The following GRIP2 variants were observed in gnomAD, a reference collection of about 807,000 sequenced individuals.
The protein encoded by GRIP2 is glutamate receptor-interacting protein 2.
In GRIP2, 58 loss-of-function variants were observed where a neutral mutation model predicts 108.3. The observed-to-expected ratio is 0.54, with a 90% CI of 0.43 to 0.67. The LOEUF is 0.67. Among genes scored for constraint, GRIP2 ranks in the 30% least tolerant of loss-of-function variants. The probability of loss-of-function intolerance (pLI) is 0.00; values close to 1 mark genes in which losing one functional copy is unlikely to be tolerated. For synonymous variants in GRIP2, 586 were observed against 598.2 expected (o/e 0.98, Z 0.30); for missense variants, 1,278 against 1,430.6 (o/e 0.89, Z 1.72).
At chr3:14,539,951 G>C (rs1268049487) in intron 1 of GRIP2, among the ~76,000 whole-genome samples, 1 of 152,278 alleles carries the variant, frequency 6.6e-6, no homozygotes, top group East Asian at 1.9e-4. Context: ...TTGGGCAAAA[G>C]GCTTCGCTCA....
chr3:14,540,199 TG>T lies in GRIP2; in HGVS notation c.40+69del. ...TCTCAGCCATCCAGTCCCCTCTCTC[TG>T]GGCAGCAGCTCCAGAGGGATCTATG... On this transcript the variant is annotated intron_variant, in intron 1 of 23. Coordinates refer to ENST00000621039, the MANE Select transcript of GRIP2 (RefSeq NM_001080423.4). This position sits in a 1 kb window ranked among gnomAD's most constrained non-coding sequence, Gnocchi z 4.1. 6.4e-7 allele frequency: 1 copy of T among 1,558,690 alleles called. No individual in the cohort carries two copies. Among genetic ancestry groups the T allele is most frequent in the Non-Finnish European group, 8.7e-7 (1 of 1,143,010 alleles).
chr3:14,566,648 T>A, the GRIP2 span, among the ~76,000 whole-genome samples: 1 of 152,180 alleles, frequency 6.6e-6, no homozygotes, highest in Non-Finnish European at 1.5e-5. Context: ...GTGTAAGCCA[T>A]CCGTGTTGCT....
chr3:14,568,401 G>T, the GRIP2 span, among the ~76,000 whole-genome samples: 2 of 152,184 alleles, frequency 1.3e-5, no homozygotes, highest in African/African-American at 4.8e-5. Context: ...GCCCTGTGAG[G>T]CCAGGAGAAG....
rs1002350757 is a variant in GRIP2, at chr3:14,521,585, TC to T, written c.712+56del. 5 of 1,517,450 alleles carry T rather than the reference TC, an allele frequency of 3.3e-6. No homozygotes were observed. Among genetic ancestry groups the T allele is most frequent in the South Asian group, 2.6e-5 (2 of 76,986 alleles). The allele number at this position is 1,517,450 out of a possible 1,614,324, so 94.0% of individuals were successfully genotyped here. ...GTAAAGATCCATGGCCACTGCCACC[TC>T]CCCCCATCCCAGGCCTCCTCCTGCC... On this transcript the variant is annotated intron_variant, in intron 7 of 23. Transcript: ENST00000621039. The surrounding 1 kb of genome is among the most constrained non-coding windows in gnomAD (Gnocchi z 5.1).
the GRIP2 span, among the ~76,000 whole-genome samples, chr3:14,601,346 C>A: frequency 1.3e-5 from 2 of 152,156 alleles, no homozygotes; most frequent in Admixed American, 6.5e-5. Flanking sequence ...CCTGGCTCTG[C>A]GAGATTTCCT....
the GRIP2 span, among the ~76,000 whole-genome samples, chr3:14,583,959 A>G: frequency 6.6e-6 from 1 of 152,164 alleles, no homozygotes; most frequent in Non-Finnish European, 1.5e-5. Flanking sequence ...CAGCCCTAGA[A>G]TTAGAATTTT....
chr3:14,525,812 C>T, intron 2 of GRIP2, 39 bp downstream of exon 2: 1 of 1,544,498 alleles, frequency 6.5e-7, no homozygotes, highest in Non-Finnish European at 8.8e-7. Context: ...CTCTGTGCCT[C>T]CAGGGCAGAA....
rs1314161675 is a variant in GRIP2, at chr3:14,490,450, G to A, written c.*3215C>T. 1 of 152,652 alleles carries A rather than the reference G, an allele frequency of 6.6e-6. No individual in the cohort carries two copies. Among genetic ancestry groups the A allele is most frequent in the Non-Finnish European group, 1.5e-5 (1 of 68,388 alleles). The allele number at this position is 152,652 out of a possible 1,614,324, so 9.5% of individuals were successfully genotyped here. Reference sequence around the variant, plus strand: ...CCAGTGGGGCCTGGCCCTGGCCTCTGGGTCCCAGACCCTGTAGCTCACCTG... The same window carrying A: ...CCAGTGGGGCCTGGCCCTGGCCTCTAGGTCCCAGACCCTGTAGCTCACCTG... On this transcript the variant is annotated 3_prime_UTR_variant, in exon 24 of 24. Coordinates refer to ENST00000621039, the MANE Select transcript of GRIP2 (RefSeq NM_001080423.4).
chr3:14,555,946 C>T (rs1417575111), exon 1 of GRIP2: 3 of 399,798 alleles, frequency 7.5e-6, no homozygotes, highest in Admixed American at 4.4e-5. Flanking sequence ...TGAGTGACAC[C>T]GCCAGCATTG....
At chr3:14,523,893 T>C in intron 4 of GRIP2, 195 bp from the exon 5 acceptor site, 1 of 579,644 alleles carries the variant, frequency 1.7e-6, no homozygotes, top group East Asian at 2.8e-5. Context: ...AGCCCACCAC[T>C]GAGAGAGAGG....
chr3:14,561,278 G>A, the GRIP2 span, among the ~76,000 whole-genome samples: 2 of 152,240 alleles, frequency 1.3e-5, no homozygotes, highest in African/African-American at 4.8e-5. Flanking sequence ...CAGCCCGGCT[G>A]GGAGCCAGGA....
chr3:14,509,799 C>A, intron 17 of GRIP2, 21 bp downstream of exon 17: 1 of 1,439,476 alleles, frequency 6.9e-7, no homozygotes, highest in Non-Finnish European at 9.2e-7. Flanking sequence ...CACCATGCGT[C>A]CCCACAGAGC....
chr3:14,567,713 C>T, the GRIP2 span, among the ~76,000 whole-genome samples: 1 of 152,192 alleles, frequency 6.6e-6, no homozygotes. Context: ...CAATAGTGCC[C>T]GTCATTCATT....
the GRIP2 span, among the ~76,000 whole-genome samples, chr3:14,598,486 C>T: frequency 3.3e-5 from 5 of 152,070 alleles, no homozygotes; most frequent in South Asian, 2.1e-4. Flanking sequence ...TGGTTAACTA[C>T]GTTGACAGCC....
intron 1 of GRIP2, 108 bp from the exon 2 acceptor site, chr3:14,526,039 G>C (rs1694545986): frequency 1.1e-6 from 1 of 892,698 alleles, no homozygotes; most frequent in Non-Finnish European, 1.8e-6. Context: ...TGTAAGATGG[G>C]TTCCCTCCTG....
intron 22 of GRIP2, 109 bp from the exon 23 acceptor site, chr3:14,495,098 C>T (rs1010845153): frequency 2.2e-6 from 3 of 1,390,434 alleles, no homozygotes; most frequent in Non-Finnish European, 2.0e-6. Context: ...GCCAGCCACA[C>T]CCCCCAGGCT....
rs372245648 is a variant in GRIP2, at chr3:14,550,695, C to T, written c.55+5205G>A. ...CTTTAGGGGCTGCTTCAGCTCTGGC[C>T]TCAGCCACCCTGGAACCCCTTCACC... is the stretch of plus-strand genomic sequence containing the variant. On this transcript the variant is annotated intron_variant, in intron 1 of 23. Coordinates refer to the GRIP2 transcript ENST00000637182. Among the ~76,000 whole-genome samples, 7 of 152,300 alleles carry T rather than the reference C, an allele frequency of 4.6e-5. No homozygotes were observed. In the East Asian group the frequency reaches 7.7e-4, roughly 17 times the overall value.
intron 9 of GRIP2, among the ~76,000 whole-genome samples, chr3:14,519,545 G>A (rs535410190): frequency 2.0e-5 from 3 of 152,322 alleles, no homozygotes; most frequent in South Asian, 2.1e-4. Context: ...GCTGCTGGAC[G>A]TGCTTTCCTG....
At chr3:14,528,717 C>T (rs142221720) in intron 1 of GRIP2, among the ~76,000 whole-genome samples, 143 of 151,918 alleles carry the variant, frequency 9.4e-4, no homozygotes, top group African/African-American at 3.3e-3. Context: ...ATTAGTCATG[C>T]TAATACATGT....
Sources: gnomAD v4.1 joint callset for allele counts (sites outside exome capture counted in the v4.1 genomes callset) on GRCh38, gnomAD v4.1.1 for gene constraint, Gnocchi (gnomAD v3.1) non-coding constraint, MANE v1.5 for transcripts, NCBI Gene and HGNC (gene_info 2026-07-23, HGNC 2026-07-21) for gene names.